The following ODF2L variants were observed in gnomAD, a reference collection of about 807,000 sequenced individuals.
ODF2L encodes the protein outer dense fiber of sperm tails 2 like, also known as protein BCAP.
ODF2L carries 76 observed loss-of-function variants against 86.3 expected under a neutral mutation model. The observed-to-expected ratio is 0.88, with a 90% CI of 0.73 to 1.07. The LOEUF (loss-of-function observed/expected upper bound fraction) is 1.07, where lower values mean the gene tolerates loss of function less well. Ranked by LOEUF, ODF2L falls within the 50% of genes least tolerant of loss-of-function variation. The probability of loss-of-function intolerance (pLI) is 0.00; values close to 1 mark genes in which losing one functional copy is unlikely to be tolerated. For missense variants in ODF2L, 748 were observed against 717.4 expected, an observed-to-expected ratio of 1.04 and a Z score of -0.49; for synonymous variants, 241 against 231.3, an observed-to-expected ratio of 1.04 and a Z score of -0.38.
At chr1:86,389,672 A>T (rs1661182554) in intron 1 of ODF2L, among the ~76,000 whole-genome samples, 1 of 152,118 alleles carries the variant, frequency 6.6e-6, no homozygotes, top group South Asian at 2.1e-4. Context: ...AAGAGAAAAG[A>T]TTCAAATAAG....
intron 2 of ODF2L, chr1:86,386,578 G>T (rs1345622654): frequency 4.7e-6 from 1 of 211,394 alleles, no homozygotes; most frequent in Admixed American, 5.8e-5. Flanking sequence ...AGTAGAGATG[G>T]GGTTTCACCA....
chr1:86,368,602 T>C, intron 11 of ODF2L: 6 of 1,346,104 alleles, frequency 4.5e-6, no homozygotes, highest in Non-Finnish European at 5.8e-6. Flanking sequence ...TGATGAGGTA[T>C]AGAGAACTAA....
chr1:86,358,263 A>G (rs1658745949), intron 13 of ODF2L: 1 of 168,538 alleles, frequency 5.9e-6, no homozygotes, highest in African/African-American at 2.4e-5. Context: ...ATGCGGTTTC[A>G]TTTAAAAATT....
chr1:86,351,104 C>A (rs1658105018), exon 18 of ODF2L: 1 of 152,070 alleles, frequency 6.6e-6, no homozygotes, highest in Admixed American at 6.6e-5. Context: ...TAATTAGATC[C>A]CATTTGTCAA....
chr1:86,371,061 T>G lies in ODF2L; in HGVS notation c.1013A>C (p.Glu338Ala), dbSNP rs764101896. 3.2e-6 allele frequency: 5 copies of G among 1,571,578 alleles called. No individual in the cohort carries two copies. Among genetic ancestry groups the G allele is most frequent in the Non-Finnish European group, 4.3e-6 (5 of 1,154,664 alleles). Residue 338 changes from glutamate (E) to alanine (A), a missense_variant, in exon 10 of 18, where the codon GAA becomes GCA. Coordinates refer to ENST00000317336, the Ensembl canonical transcript of ODF2L. ...AAGATTCAGAGTTTCATTTTCATAT[T>G]CAATTGAGTGAACTTTTCTAAGAAT...
exon 18 of ODF2L, chr1:86,350,922 C>G (rs1019977818): frequency 6.6e-6 from 1 of 152,020 alleles, no homozygotes; most frequent in African/African-American, 2.4e-5. Flanking sequence ...TGTTCATATT[C>G]TTTGCACACT....
intron 13 of ODF2L, among the ~76,000 whole-genome samples, chr1:86,357,150 T>C (rs1658638040): frequency 6.6e-6 from 1 of 152,198 alleles, no homozygotes; most frequent in Non-Finnish European, 1.5e-5. Flanking sequence ...AACAAATCTC[T>C]CTAATTTCAT....
At chr1:86,347,943 T>C (rs1657892351), downstream of ODF2L, 1 of 152,324 alleles carries the variant, frequency 6.6e-6, no homozygotes, top group Admixed American at 6.5e-5. Context: ...AGCTTCTTGA[T>C]GTTAAGAGTG....
At chr1:86,351,998 T>A in exon 18 of ODF2L, 1 of 1,291,504 alleles carries the variant, frequency 7.7e-7, no homozygotes, top group East Asian at 3.1e-5. Flanking sequence ...AGTCAAATGG[T>A]GAGTTAAAAA....
At chr1:86,384,582 C>T (rs1011028390) in intron 4 of ODF2L, 94 bp downstream of exon 4, 9 of 824,570 alleles carry the variant, frequency 1.1e-5, no homozygotes, top group African/African-American at 1.8e-5. Context: ...ATTTCCATTT[C>T]AAATATACCA....
chr1:86,382,652 T>A (rs577023623), intron 6 of ODF2L, among the ~76,000 whole-genome samples: 2 of 152,094 alleles, frequency 1.3e-5, no homozygotes, highest in East Asian at 3.9e-4. Flanking sequence ...TAAAATTCCT[T>A]AATTTGTTCC....
At chr1:86,371,962 C>T (rs909297859) in intron 9 of ODF2L, among the ~76,000 whole-genome samples, 6 of 151,848 alleles carry the variant, frequency 4.0e-5, no homozygotes, top group African/African-American at 9.7e-5. Context: ...CCGAGGCAGG[C>T]GGATCACAAG....
intron 1 of ODF2L, among the ~76,000 whole-genome samples, chr1:86,392,087 A>C (rs1661372841): frequency 6.6e-6 from 1 of 152,350 alleles, no homozygotes; most frequent in South Asian, 2.1e-4. Context: ...ACATGAAAAA[A>C]TGCTCAACAT....
intron 8 of ODF2L, chr1:86,375,034 G>C (rs1209993913): frequency 1.3e-5 from 2 of 151,936 alleles, no homozygotes; most frequent in Admixed American, 1.3e-4. Flanking sequence ...AAAAATAAAT[G>C]ATATAGTTTC....
Position 86,364,315 on chromosome 1 carries a change from C to T in ODF2L, c.1144-3779G>A, listed in dbSNP as rs191790188. On this transcript the variant is annotated intron_variant, in intron 11 of 17. Coordinates refer to ENST00000317336, the Ensembl canonical transcript of ODF2L. ...AAGTATATGTCACACTTTCCCTGGG[C>T]AACCTGTATGTACACAAAGATAGGA... Among the ~76,000 whole-genome samples, 440 of 152,216 alleles carry T rather than the reference C, an allele frequency of 2.9e-3. 3 individuals are homozygous for T. The highest frequency in any genetic ancestry group is 0.027 in the Middle Eastern group (8 of 294).
intron 13 of ODF2L, among the ~76,000 whole-genome samples, chr1:86,356,803 G>C (rs1027937778): frequency 2.0e-5 from 3 of 152,088 alleles, no homozygotes; most frequent in African/African-American, 7.2e-5. Flanking sequence ...TTTTCAAAAA[G>C]TTTGTTGAGC....
chr1:86,367,001 C>T (rs1659487756), intron 11 of ODF2L, among the ~76,000 whole-genome samples: 1 of 151,936 alleles, frequency 6.6e-6, no homozygotes, highest in Non-Finnish European at 1.5e-5. Flanking sequence ...GTACTTAGCA[C>T]AAAGGACTGG....
chr1:86,389,396 C>T (rs1661158508), intron 1 of ODF2L, among the ~76,000 whole-genome samples: 1 of 151,850 alleles, frequency 6.6e-6, no homozygotes, highest in African/African-American at 2.4e-5. Flanking sequence ...AAAGGTGGTG[C>T]TAAGGGAAAG....
chr1:86,368,420 T>C (rs1659587553), intron 11 of ODF2L, among the ~76,000 whole-genome samples: 1 of 152,054 alleles, frequency 6.6e-6, no homozygotes, highest in Non-Finnish European at 1.5e-5. Flanking sequence ...AACCAAGGAG[T>C]ATAATATATA....
Sources: allele counts gnomAD v4.1 joint callset (sites outside exome capture counted in the v4.1 genomes callset), GRCh38; gene constraint gnomAD v4.1.1; transcripts MANE v1.5; gene names NCBI Gene and HGNC (gene_info 2026-07-23, HGNC 2026-07-21).